The following FNDC7 variants were observed in gnomAD, a reference collection of about 807,000 sequenced individuals.
FNDC7 encodes the protein fibronectin type III domain-containing protein 7.
FNDC7 carries 66 observed loss-of-function variants against 74.2 expected under a neutral mutation model. That is an observed-to-expected ratio of 0.89 (90% CI 0.73 to 1.09). The LOEUF is 1.09. Ranked by LOEUF, FNDC7 falls within the 50% of genes least tolerant of loss-of-function variation. FNDC7 has a pLI of 0.00. For synonymous variants in FNDC7, 307 were observed against 330.2 expected (o/e 0.93, Z 0.76); for missense variants, 829 against 893.4 (o/e 0.93, Z 0.92).
chr1:108,730,884 C>T lies in FNDC7; in HGVS notation c.1835C>T (p.Ala612Val). The stretch of plus-strand genomic sequence containing the variant: ...ACAGTGACATTAAAAGCAATTAGTG[C>T]CACCGGGTTGACTGCAGATTGCTCC... ...NYTVTLKAISATGLTADCSYQ... is the reference protein window; with the variant it reads ...NYTVTLKAISVTGLTADCSYQ... The change falls in exon 9 of 13, where the codon GCC (alanine) becomes GTC (valine). Residue 612 changes from alanine (A) to valine (V), a missense_variant. Ala to Val is a moderately conservative substitution (Grantham distance 64, BLOSUM62 0). Coordinates refer to ENST00000370017, the MANE Select transcript of FNDC7 (RefSeq NM_001144937.3). The T allele has an allele frequency of 1.2e-6, 2 of 1,613,548 alleles. No homozygotes were observed. The highest frequency in any genetic ancestry group is 1.7e-6 in the Non-Finnish European group (2 of 1,179,708).
chr1:108,713,491 T>A lies in FNDC7; in HGVS notation c.64-20T>A. The stretch of plus-strand genomic sequence containing the variant: ...TGTGTTTTTCTGTGTGGTTCTAATT[T>A]TCCAAACTTTCCTTTTCAGGTTGCT... On this transcript the variant is annotated intron_variant, in intron 1 of 12. Coordinates refer to ENST00000370017, the MANE Select transcript of FNDC7 (RefSeq NM_001144937.3). 6.5e-7 allele frequency: 1 copy of A among 1,549,556 alleles called. No individual in the cohort carries two copies. Among genetic ancestry groups the A allele is most frequent in the South Asian group, 1.2e-5 (1 of 83,404 alleles).
intron 6 of FNDC7, among the ~76,000 whole-genome samples, chr1:108,727,544 TTG>T (rs1557790212): frequency 2.0e-5 from 3 of 151,938 alleles, no homozygotes; most frequent in Non-Finnish European, 4.4e-5. Context: ...CGTGGGGGAA[TTG>T]AGGAGTCTGG....
chr1:108,737,110 G>C (rs1317941789), intron 10 of FNDC7, among the ~76,000 whole-genome samples: 2 of 151,874 alleles, frequency 1.3e-5, no homozygotes, highest in Non-Finnish European at 2.9e-5. Context: ...GGGATTACAG[G>C]TGTGCACAAC....
intron 1 of FNDC7, 150 bp from the exon 2 acceptor site, chr1:108,713,361 G>A (rs997728583): frequency 4.3e-6 from 3 of 695,760 alleles, no homozygotes; most frequent in Non-Finnish European, 7.5e-6. Context: ...GAAATGATTT[G>A]TGTGGAGAAA....
rs1661321323 is a variant in FNDC7, at chr1:108,730,658, T to G, written c.1625-16T>G. On this transcript the variant is annotated splice_polypyrimidine_tract_variant and intron_variant, in intron 8 of 12. Coordinates refer to ENST00000370017, the MANE Select transcript of FNDC7 (RefSeq NM_001144937.3). ...GGAAATAAATCTCCAATTCTTTTTC[T>G]TTTATCCCATTTAAGTGCCATGCTG... 1.3e-6 allele frequency: 2 copies of G among 1,498,066 alleles called. No homozygotes were observed. Among genetic ancestry groups the G allele is most frequent in the Non-Finnish European group, 1.8e-6 (2 of 1,121,180 alleles). The allele number at this position is 1,498,066 out of a possible 1,614,324, so 92.8% of individuals were successfully genotyped here.
At chr1:108,738,675 G>T (rs1661572674) in intron 11 of FNDC7, among the ~76,000 whole-genome samples, 1 of 151,816 alleles carries the variant, frequency 6.6e-6, no homozygotes, top group African/African-American at 2.4e-5. Flanking sequence ...CCTTCCACTG[G>T]CAGGAACTGG....
chr1:108,734,544 C>T (rs867205259), intron 10 of FNDC7: 40 of 152,338 alleles, frequency 2.6e-4, no homozygotes, highest in African/African-American at 8.7e-4. Context: ...CAAGCCCTTA[C>T]TGATAGCCAG....
intron 9 of FNDC7, among the ~76,000 whole-genome samples, chr1:108,732,754 C>T (rs1345783400): frequency 2.0e-5 from 3 of 150,452 alleles, no homozygotes; most frequent in Non-Finnish European, 4.4e-5. Context: ...TTCTTTCTTT[C>T]TGTCTGTCTT....
intron 4 of FNDC7, among the ~76,000 whole-genome samples, chr1:108,719,576 G>A (rs1661048194): frequency 6.6e-6 from 1 of 152,168 alleles, no homozygotes; most frequent in African/African-American, 2.4e-5. Context: ...GCCTCAGCTT[G>A]GGTCTGAAGT....
chr1:108,718,967 C>A lies in FNDC7; in HGVS notation c.516C>A (p.Ala172=). The part of the protein sequence containing the change: ...NTSLTFTSLE[A]GTLYTIKAYA... ...CCTTGACATTCACCAGTTTAGAAGC[C>A]GGAACTCTCTACACCATAAAGGCCT... The change falls in exon 4 of 13, where the codon GCC becomes GCA. Residue 172 remains alanine, a synonymous_variant. Transcript: ENST00000370017. 2 of 1,551,884 alleles carry A rather than the reference C, an allele frequency of 1.3e-6. No homozygotes were observed. The highest frequency in any genetic ancestry group is 1.7e-6 in the Non-Finnish European group (2 of 1,147,040).
At chr1:108,729,544 G>A (rs1302340615) in intron 8 of FNDC7, among the ~76,000 whole-genome samples, 8 of 145,402 alleles carry the variant, frequency 5.5e-5, no homozygotes, top group African/African-American at 1.3e-4. Flanking sequence ...GTGAGATTCC[G>A]TCACAAAAAA....
intron 8 of FNDC7, among the ~76,000 whole-genome samples, chr1:108,729,651 A>C (rs1485940378): frequency 6.6e-6 from 1 of 152,256 alleles, no homozygotes. Context: ...CTAATGCTGC[A>C]AAGCACTTAG....
intron 5 of FNDC7, among the ~76,000 whole-genome samples, chr1:108,724,334 T>C (rs1446956735): frequency 3.9e-5 from 6 of 152,112 alleles, no homozygotes; most frequent in Non-Finnish European, 5.9e-5. Flanking sequence ...GAGTTGTACA[T>C]ACTATTTGAT....
chr1:108,737,579 G>A, intron 11 of FNDC7, 55 bp downstream of exon 11: 1 of 1,456,274 alleles, frequency 6.9e-7, no homozygotes, highest in South Asian at 1.3e-5. Context: ...GCTCCATTTT[G>A]GGGTTAATGA....
intron 11 of FNDC7, among the ~76,000 whole-genome samples, chr1:108,740,888 A>G (rs1159837844): frequency 6.6e-6 from 1 of 152,222 alleles, no homozygotes; most frequent in Non-Finnish European, 1.5e-5. Context: ...TTATGTACCA[A>G]TTATTAACAT....
At chr1:108,730,571 G>T in intron 8 of FNDC7, 103 bp from the exon 9 acceptor site, 1 of 1,290,302 alleles carries the variant, frequency 7.8e-7, no homozygotes, top group Non-Finnish European at 1.1e-6. Context: ...GGGAATGTAG[G>T]ATATTGAGTG....
chr1:108,722,324 C>T lies in FNDC7; in HGVS notation c.599-11C>T. 1 of 1,573,284 alleles carries T rather than the reference C, an allele frequency of 6.4e-7. No individual in the cohort carries two copies. The highest frequency in any genetic ancestry group is 8.6e-7 in the Non-Finnish European group (1 of 1,159,960). ...CTACTACAAAATCTTAATTGTTTCT[C>T]TAAAATGTAGGTCCTCGGGCCCCTG... On this transcript the variant is annotated splice_polypyrimidine_tract_variant and intron_variant, in intron 4 of 12. Transcript: ENST00000370017.
chr1:108,722,598 T>C lies in FNDC7; in HGVS notation c.856+6T>C. Reference sequence around the variant, plus strand: ...AGCAATGACCCTGAAAACTGGTATGTAAACAAGAGTGAGACTGCTGTCGGG... The same window carrying C: ...AGCAATGACCCTGAAAACTGGTATGCAAACAAGAGTGAGACTGCTGTCGGG... On this transcript the variant is annotated splice_donor_region_variant and intron_variant, in intron 5 of 12. Transcript: ENST00000370017. 6.2e-7 allele frequency: 1 copy of C among 1,607,814 alleles called. No homozygotes were observed. The highest frequency in any genetic ancestry group is 1.1e-5 in the South Asian group (1 of 90,452).
At chr1:108,723,946 C>A (rs1369738539) in intron 5 of FNDC7, among the ~76,000 whole-genome samples, 4 of 152,188 alleles carry the variant, frequency 2.6e-5, no homozygotes, top group Non-Finnish European at 4.4e-5. Context: ...CCAGGATGTT[C>A]TAAGGCAGTT....
Sources: gnomAD v4.1 joint callset for allele counts (sites outside exome capture counted in the v4.1 genomes callset) on GRCh38, gnomAD v4.1.1 for gene constraint, MANE v1.5 for transcripts, NCBI Gene and HGNC (gene_info 2026-07-23, HGNC 2026-07-21) for gene names.